FOXP1: variants seen among roughly 807,000 people sequenced by gnomAD.
The protein encoded by FOXP1 is forkhead box protein P1.
A neutral mutation model predicts 98.2 loss-of-function variants in FOXP1; 15 were observed. That is an observed-to-expected ratio of 0.15 (90% confidence interval 0.10 to 0.24). FOXP1 has a LOEUF of 0.24. Ranked by LOEUF, FOXP1 falls within the 10% of genes least tolerant of loss-of-function variation. The probability of loss-of-function intolerance (pLI) is 1.00; values close to 1 mark genes in which losing one functional copy is unlikely to be tolerated. For synonymous variants in FOXP1, 371 were observed against 314.5 expected (o/e 1.18, Z -1.90); for missense variants, 633 against 848.5 (o/e 0.75, Z 3.15).
intron 4 of FOXP1, among the ~76,000 whole-genome samples, chr3:71,336,438 C>T (rs781637555): frequency 6.6e-6 from 1 of 151,952 alleles, no homozygotes; most frequent in Non-Finnish European, 1.5e-5. Context: ...CCCTCCACCC[C>T]CCGATAGGCC....
At chr3:71,313,184 C>G (rs2074825286) in intron 4 of FOXP1, among the ~76,000 whole-genome samples, 1 of 151,012 alleles carries the variant, frequency 6.6e-6, no homozygotes, top group African/African-American at 2.4e-5. Flanking sequence ...CTCAGCCTCC[C>G]GAGTAGCTAG....
At chr3:71,579,632 CTTTT>C (rs35646548) in intron 2 of FOXP1, among the ~76,000 whole-genome samples, 1 of 122,996 alleles carries the variant, frequency 8.1e-6, no homozygotes, top group Non-Finnish European at 1.6e-5. Flanking sequence ...TTTCTTTTTT[CTTTT>C]TTTTTTTTTT....
chr3:71,179,914 T>C (rs1467763446), intron 6 of FOXP1, among the ~76,000 whole-genome samples: 1 of 152,218 alleles, frequency 6.6e-6, no homozygotes, highest in Admixed American at 6.5e-5. Context: ...AATTTCCAAT[T>C]GAAAACATCT....
At chr3:71,064,177 G>A (rs2052004777) in intron 7 of FOXP1, among the ~76,000 whole-genome samples, 1 of 152,164 alleles carries the variant, frequency 6.6e-6, no homozygotes, top group South Asian at 2.1e-4. Context: ...GCTCCGGTGT[G>A]GGGCTCTGTG....
chr3:71,170,629 G>A (rs1296615005), intron 6 of FOXP1, among the ~76,000 whole-genome samples: 1 of 152,172 alleles, frequency 6.6e-6, no homozygotes, highest in Non-Finnish European at 1.5e-5. Flanking sequence ...ACTATAGGAT[G>A]TTTTATTGCT....
At chr3:70,964,563 T>C (rs2034324694) in intron 20 of FOXP1, among the ~76,000 whole-genome samples, 2 of 152,210 alleles carry the variant, frequency 1.3e-5, no homozygotes, top group African/African-American at 4.8e-5. Flanking sequence ...TTCGTTAGTA[T>C]CTAAGTAAAT....
At chr3:70,998,710 AT>A (rs1316695041) in intron 13 of FOXP1, among the ~76,000 whole-genome samples, 3 of 152,184 alleles carry the variant, frequency 2.0e-5, no homozygotes, top group African/African-American at 7.2e-5. Flanking sequence ...AATAAATGAA[AT>A]CTATAAATAA....
intron 3 of FOXP1, among the ~76,000 whole-genome samples, chr3:71,413,878 A>G (rs896950414): frequency 6.6e-6 from 1 of 151,886 alleles, no homozygotes; most frequent in Non-Finnish European, 1.5e-5. Context: ...TTTTTCTTTT[A>G]TCTCTCATTT....
chr3:71,295,794 A>C (rs1283298999), intron 5 of FOXP1, among the ~76,000 whole-genome samples: 1 of 152,176 alleles, frequency 6.6e-6, no homozygotes, highest in East Asian at 1.9e-4. Context: ...TGCCACAGAA[A>C]CCTTTATTAG....
At chr3:71,035,726 A>G (rs1326606899) in intron 11 of FOXP1, among the ~76,000 whole-genome samples, 1 of 152,226 alleles carries the variant, frequency 6.6e-6, no homozygotes, top group Non-Finnish European at 1.5e-5. Context: ...TAGCTTGCTC[A>G]GTATTTCAAA....
At chr3:71,582,415 G>A in intron 1 of FOXP1, 1 of 984,920 alleles carries the variant, frequency 1.0e-6, no homozygotes, top group Non-Finnish European at 1.2e-6. Flanking sequence ...AGCGCACGCC[G>A]CCTCGGCTCG....
intron 11 of FOXP1, among the ~76,000 whole-genome samples, chr3:71,018,809 A>G (rs2044936918): frequency 6.6e-6 from 1 of 152,176 alleles, no homozygotes; most frequent in Admixed American, 6.5e-5. Context: ...TACTTCTTAC[A>G]TCTTTTGAAG....
At chr3:71,529,376 T>G (rs1224303832) in intron 2 of FOXP1, among the ~76,000 whole-genome samples, 1 of 152,232 alleles carries the variant, frequency 6.6e-6, no homozygotes, top group South Asian at 2.1e-4. Context: ...TATGACATAA[T>G]AAGAAATAAA....
intron 2 of FOXP1, among the ~76,000 whole-genome samples, chr3:71,495,508 GA>G (rs2107092180): frequency 6.6e-6 from 1 of 152,294 alleles, no homozygotes; most frequent in South Asian, 2.1e-4. Context: ...ATCAACAACT[GA>G]AAGAAGTAAC....
At chr3:71,575,449 A>C (rs530099006) in intron 2 of FOXP1, among the ~76,000 whole-genome samples, 2 of 152,088 alleles carry the variant, frequency 1.3e-5, no homozygotes, top group Non-Finnish European at 2.9e-5. Flanking sequence ...ACCTACACAC[A>C]CACACATACA....
At chr3:71,242,319 C>T (rs2067351740) in intron 5 of FOXP1, among the ~76,000 whole-genome samples, 1 of 152,118 alleles carries the variant, frequency 6.6e-6, no homozygotes, top group Middle Eastern at 3.2e-3. Flanking sequence ...TGGCATAGAC[C>T]AGAACGCTCC....
intron 5 of FOXP1, among the ~76,000 whole-genome samples, chr3:71,216,888 T>C (rs906103173): frequency 6.6e-6 from 1 of 152,086 alleles, no homozygotes; most frequent in Admixed American, 6.6e-5. Context: ...TTGTCACACC[T>C]GGAGGAGGGG....
intron 3 of FOXP1, among the ~76,000 whole-genome samples, chr3:71,446,419 G>A (rs1027900656): frequency 1.3e-5 from 2 of 152,000 alleles, no homozygotes; most frequent in African/African-American, 2.4e-5. Context: ...TAAACTCTTC[G>A]CAGACAAGAC....
intron 14 of FOXP1, 27 bp from the exon 15 acceptor site, chr3:70,978,056 A>G: frequency 6.2e-7 from 1 of 1,606,212 alleles, no homozygotes; most frequent in Non-Finnish European, 8.5e-7. Flanking sequence ...AACGTCTTAG[A>G]AGACCTTCAG....
Sources: allele counts gnomAD v4.1 joint callset (sites outside exome capture counted in the v4.1 genomes callset), GRCh38; gene constraint gnomAD v4.1.1; transcripts MANE v1.5; gene names NCBI Gene and HGNC (gene_info 2026-07-23, HGNC 2026-07-21).